Variants in CYP4F11 observed in about 807,000 individuals in gnomAD.
The protein encoded by CYP4F11 is cytochrome P450 4F11.
Under a neutral mutation model 62.2 loss-of-function variants are expected in CYP4F11, and 79 were observed. That is an observed-to-expected ratio of 1.27 (90% confidence interval 1.06 to 1.53). The LOEUF (loss-of-function observed/expected upper bound fraction) is 1.53. Among genes scored for constraint, CYP4F11 ranks in the 40% most tolerant of loss-of-function variants. CYP4F11 has a pLI of 0.00. For synonymous variants in CYP4F11, 290 were observed against 263.7 expected, an observed-to-expected ratio of 1.10 and a Z score of -0.97; for missense variants, 777 against 680.5, an observed-to-expected ratio of 1.14 and a Z score of -1.58.
chr19:15,934,132 A>C, intron 1 of CYP4F11, 79 bp downstream of exon 1: 1 of 1,507,496 alleles, frequency 6.6e-7, no homozygotes, highest in Non-Finnish European at 9.1e-7. Flanking sequence ...CTCAAAACCC[A>C]GCTCCCTGAG....
chr19:15,918,446 A>T (rs73522995), intron 8 of CYP4F11, among the ~76,000 whole-genome samples: 3,284 of 152,226 alleles, frequency 0.022, 107 homozygotes, highest in African/African-American at 0.071. Context: ...AAGTTGAAAA[A>T]AATAATAATA....
At position 15,912,697 on chromosome 19, in the gene CYP4F11, A is replaced by ATATGTGTGTG. The variant is rs1243320677; in HGVS notation, c.*1034_*1035insCACACACATA. 1.4e-4 allele frequency: 10 copies of ATATGTGTGTG among 72,692 alleles called. No homozygotes were observed. In the East Asian group the frequency reaches 1.4e-3, roughly 10 times the overall value. 4.5% of individuals were successfully genotyped at this position (72,692 alleles called of 1,614,324 possible). Reference sequence around the variant, plus strand: ...AAAAAAAAAATATATATATATATATATGTGTGTGTGTGTGTGTGTGTGTGT... The same window carrying ATATGTGTGTG: ...AAAAAAAAAATATATATATATATATATATGTGTGTGTGTGTGTGTGTGTGTGTGTGTGTGT... On this transcript the variant is annotated 3_prime_UTR_variant, in exon 12 of 12. Coordinates refer to ENST00000402119, the MANE Select transcript of CYP4F11 (RefSeq NM_021187.4).
chr19:15,927,363 G>A (rs770894946), intron 3 of CYP4F11, 24 bp from the exon 4 acceptor site: 27 of 1,612,974 alleles, frequency 1.7e-5, no homozygotes, highest in Non-Finnish European at 2.1e-5. Context: ...CAAGGACAGT[G>A]GTCAAGGGCA....
At chr19:15,930,514 C>A (rs2089705090) in intron 1 of CYP4F11, among the ~76,000 whole-genome samples, 1 of 152,116 alleles carries the variant, frequency 6.6e-6, no homozygotes, top group Non-Finnish European at 1.5e-5. Context: ...ATCACTTGAA[C>A]CTGGGAGGCG....
In CYP4F11 at chr19:15,914,391, C is replaced by A. The variant is rs769298492; in HGVS notation, c.1315-4G>T. 1 of 1,612,960 alleles carries A rather than the reference C, an allele frequency of 6.2e-7. No homozygotes were observed. Among genetic ancestry groups the A allele is most frequent in the South Asian group, 1.1e-5 (1 of 91,014 alleles). ...CGAAACGGAAGGGGTCGTAGACCTGCAGGTGAGACCAAGAAGGCTTGCTGG... is the reference window on the plus strand; with the variant it reads ...CGAAACGGAAGGGGTCGTAGACCTGAAGGTGAGACCAAGAAGGCTTGCTGG... On this transcript the variant is annotated splice_polypyrimidine_tract_variant and splice_region_variant and intron_variant, in intron 10 of 11. Transcript: ENST00000402119.
intron 1 of CYP4F11, among the ~76,000 whole-genome samples, chr19:15,931,581 C>G (rs148799212): frequency 2.0e-4 from 11 of 55,774 alleles, no homozygotes; most frequent in South Asian, 7.7e-4. Flanking sequence ...AATGAGTGAG[C>G]GAGGAGAGGA....
chr19:15,918,943 A>G (rs1280877495), intron 8 of CYP4F11, among the ~76,000 whole-genome samples: 1 of 152,006 alleles, frequency 6.6e-6, no homozygotes. Context: ...TAAAAAAAAA[A>G]AAAACAGCTG....
rs1361388629 is a variant in CYP4F11 at position 15,912,767 on chromosome 19, G to GTATA, written c.*964_*965insTATA. On this transcript the variant is annotated 3_prime_UTR_variant, in exon 12 of 12. Coordinates refer to ENST00000402119, the MANE Select transcript of CYP4F11 (RefSeq NM_021187.4). ...TATATGTGTGTGTGTGTGTGTGTGT[G>GTATA]TGTGTATATATATATATATATAATA... The GTATA allele has an allele frequency of 5.1e-4, 13 of 25,702 alleles. No individual in the cohort carries two copies. Among genetic ancestry groups the GTATA allele is most frequent in the Non-Finnish European group, 7.3e-4 (9 of 12,366 alleles). The allele number at this position is 25,702 out of a possible 1,614,324, so 1.6% of individuals were successfully genotyped here. A position where few individuals can be genotyped will look rare whatever the true frequency, so the allele number is the denominator to read the frequency against.
chr19:15,914,361 T>G lies in CYP4F11; in HGVS notation c.1341A>C (p.Gln447His). Reference protein sequence around the residue: ...PEVYDPFRFDQENIKERSPLA... With the variant: ...PEVYDPFRFDHENIKERSPLA... ...GAGGTGACCTCTCCTTGATGTTCTC[T>G]TGGTCGAAACGGAAGGGGTCGTAGA... is the stretch of plus-strand genomic sequence containing the variant. The change falls in exon 11 of 12, where the codon CAA (glutamine) becomes CAC (histidine). Residue 447 changes from glutamine (Q) to histidine (H), a missense_variant. By Grantham distance (24) the Gln-to-His change is conservative. Coordinates refer to ENST00000402119, the MANE Select transcript of CYP4F11 (RefSeq NM_021187.4). 6.2e-7 allele frequency: 1 copy of G among 1,614,100 alleles called. No individual in the cohort carries two copies. The highest frequency in any genetic ancestry group is 8.5e-7 in the Non-Finnish European group (1 of 1,180,004).
Position 15,924,748 on chromosome 19 carries a change from G to A in CYP4F11, c.647+13C>T. On this transcript the variant is annotated intron_variant, in intron 5 of 11. Transcript: ENST00000402119. ...TCCAGGCCCAAGTTCTCAGGTCCTA[G>A]GAAAGGACTCACTCCTGACAATTGC... The A allele has an allele frequency of 1.2e-6, 2 of 1,606,790 alleles. No homozygotes were observed. Among genetic ancestry groups the A allele is most frequent in the South Asian group, 2.2e-5 (2 of 91,018 alleles).
intron 8 of CYP4F11, among the ~76,000 whole-genome samples, chr19:15,920,395 G>C (rs1209240827): frequency 6.6e-6 from 1 of 152,226 alleles, no homozygotes; most frequent in African/African-American, 2.4e-5. Context: ...AGGACACACA[G>C]AAAACCATTG....
rs1404974051 is a variant in CYP4F11 at position 15,912,759 on chromosome 19, G to GTATA, written c.*972_*973insTATA. 4 of 44,910 alleles carry GTATA rather than the reference G, an allele frequency of 8.9e-5. No individual in the cohort carries two copies. Among genetic ancestry groups the GTATA allele is most frequent in the African/African-American group, 3.9e-4 (4 of 10,256 alleles). The allele number at this position is 44,910 out of a possible 1,614,324, so 2.8% of individuals were successfully genotyped here. A position where few individuals can be genotyped will look rare whatever the true frequency, so the allele number is the denominator to read the frequency against. ...TATATGTATATATGTGTGTGTGTGT[G>GTATA]TGTGTGTGTGTGTATATATATATAT... On this transcript the variant is annotated 3_prime_UTR_variant, in exon 12 of 12. Coordinates refer to ENST00000402119, the MANE Select transcript of CYP4F11 (RefSeq NM_021187.4).
intron 1 of CYP4F11, among the ~76,000 whole-genome samples, chr19:15,930,886 T>C (rs996637117): frequency 6.6e-6 from 1 of 152,234 alleles, no homozygotes; most frequent in Non-Finnish European, 1.5e-5. Flanking sequence ...GAGGAGTGAC[T>C]CTTAACTGTC....
Position 15,913,829 on chromosome 19 carries a change from G to C in CYP4F11, c.1478C>G (p.Pro493Arg). The change falls in exon 12 of 12, where the codon CCG (proline) becomes CGG (arginine). Residue 493 changes from proline (P) to arginine (R), a missense_variant. Pro to Arg is a moderately radical substitution (Grantham distance 103). Coordinates refer to ENST00000402119, the MANE Select transcript of CYP4F11 (RefSeq NM_021187.4). Reference sequence around the variant, plus strand: ...TTTCCTGCGGGGTTCAGTGTGGGTCGGCAGGATGCGGAAGTGCAGCAGGGT... The same window carrying C: ...TTTCCTGCGGGGTTCAGTGTGGGTCCGCAGGATGCGGAAGTGCAGCAGGGT... ...ALTLLHFRIL[P>R]THTEPRRKPE... The C allele has an allele frequency of 3.1e-6, 5 of 1,614,102 alleles. No homozygotes were observed. Among genetic ancestry groups the C allele is most frequent in the East Asian group, 4.5e-5 (2 of 44,874 alleles).
chr19:15,916,763 C>CA (rs60785866), intron 8 of CYP4F11, among the ~76,000 whole-genome samples: 82,528 of 151,854 alleles, frequency 0.54, 23,019 homozygotes, highest in Non-Finnish European at 0.61. Flanking sequence ...ACTAAAAAGT[C>CA]AAAAAACAAT....
At chr19:15,927,592 G>A (rs992939397) in intron 2 of CYP4F11, 109 bp from the exon 3 acceptor site, 10 of 1,455,516 alleles carry the variant, frequency 6.9e-6, no homozygotes, top group African/African-American at 2.8e-5. Context: ...ATCCCACCCA[G>A]CATAGCAGGA....
chr19:15,920,728 A>C (rs553975403), intron 8 of CYP4F11, among the ~76,000 whole-genome samples: 1 of 152,218 alleles, frequency 6.6e-6, no homozygotes, highest in African/African-American at 2.4e-5. Context: ...TAGCCCTAAA[A>C]AGATTCTCCT....
chr19:15,919,799 A>G (rs1244040936), intron 8 of CYP4F11, among the ~76,000 whole-genome samples: 2 of 152,210 alleles, frequency 1.3e-5, no homozygotes, highest in South Asian at 2.1e-4. Flanking sequence ...GGAGGACATT[A>G]TGCTAAGTGA....
At chr19:15,931,323 G>A (rs1286179672) in intron 1 of CYP4F11, among the ~76,000 whole-genome samples, 1 of 151,828 alleles carries the variant, frequency 6.6e-6, no homozygotes, top group African/African-American at 2.4e-5. Context: ...GCAGGGAGTA[G>A]TCCCTGGACA....
Sources: allele counts gnomAD v4.1 joint callset (sites outside exome capture counted in the v4.1 genomes callset), GRCh38; gene constraint gnomAD v4.1.1; transcripts MANE v1.5; gene names NCBI Gene and HGNC (gene_info 2026-07-23, HGNC 2026-07-21).